Variants in OTUD7A observed in about 807,000 individuals in gnomAD.
OTUD7A encodes the protein OTU domain-containing protein 7A.
A neutral mutation model predicts 65.7 loss-of-function variants in OTUD7A; 12 were observed. The ratio of observed to expected loss-of-function variants is 0.18; its 90% CI spans 0.12 to 0.30. OTUD7A has a LOEUF of 0.30. Among genes scored for constraint, OTUD7A ranks in the 10% least tolerant of loss-of-function variants. The pLI is 1.00. For missense variants in OTUD7A, 1,148 were observed against 1,304.8 expected (o/e 0.88, Z 1.85); for synonymous variants, 641 against 586.3 (o/e 1.09, Z -1.35).
At chr15:31,657,652 C>T (rs1892032943) in intron 1 of OTUD7A, among the ~76,000 whole-genome samples, 1 of 152,126 alleles carries the variant, frequency 6.6e-6, no homozygotes, top group Non-Finnish European at 1.5e-5. Context: ...TGAGCCACCA[C>T]ACCCAGCTTT....
intron 5 of OTUD7A, among the ~76,000 whole-genome samples, chr15:31,548,204 ATCATCTGTGGGCGCCCTGGGCCAC>A (rs1888198344): frequency 1.5e-5 from 1 of 66,556 alleles, no homozygotes; most frequent in Non-Finnish European, 4.8e-5. Context: ...GGCCACCCCC[ATCATCTGTGGGCGCCCTGGGCCAC>A]CCCCCTTCAC....
chr15:31,539,746 A>G (rs1212172017), intron 5 of OTUD7A, among the ~76,000 whole-genome samples: 1 of 152,242 alleles, frequency 6.6e-6, no homozygotes, highest in Non-Finnish European at 1.5e-5. Flanking sequence ...ACACATTCAA[A>G]TGATTCAGAA....
At chr15:31,549,493 G>T (rs970561859) in intron 5 of OTUD7A, among the ~76,000 whole-genome samples, 8 of 152,152 alleles carry the variant, frequency 5.3e-5, no homozygotes, top group Non-Finnish European at 8.8e-5. Context: ...GTTATAATAT[G>T]GGGTAAAGTG....
chr15:31,486,043 G>T (rs968860430), intron 12 of OTUD7A, among the ~76,000 whole-genome samples: 7 of 152,236 alleles, frequency 4.6e-5, no homozygotes, highest in African/African-American at 1.7e-4. Flanking sequence ...GGAGCGCACT[G>T]AGAGCGGGCT....
chr15:31,678,227 T>A (rs1471321528), intron 1 of OTUD7A, among the ~76,000 whole-genome samples: 2 of 152,148 alleles, frequency 1.3e-5, no homozygotes. Flanking sequence ...TTCACAAAGA[T>A]ATGGTTTGGA....
rs2041252805 is a variant in OTUD7A at position 31,487,383 on chromosome 15, C to T, written c.1286+69G>A. ...CAGGAGGAGCAGGGGTGGTACATTC[C>T]CTCCCCAGGATGCCCCAGCCATAGC... is the stretch of plus-strand genomic sequence containing the variant. On this transcript the variant is annotated intron_variant, in intron 11 of 12. Transcript: ENST00000307050. This position sits in a 1 kb window ranked among gnomAD's most constrained non-coding sequence, Gnocchi z 6.0. 5.0e-6 allele frequency: 8 copies of T among 1,584,268 alleles called. No individual in the cohort carries two copies. The highest frequency in any genetic ancestry group is 6.9e-6 in the Non-Finnish European group (8 of 1,157,998).
intron 3 of OTUD7A, among the ~76,000 whole-genome samples, chr15:31,586,092 T>C (rs1889527428): frequency 6.6e-6 from 1 of 152,222 alleles, no homozygotes; most frequent in Admixed American, 6.5e-5. Flanking sequence ...GAAAGGCTCC[T>C]GCCAGTTACG....
chr15:31,693,981 A>G (rs1326855958), intron 1 of OTUD7A, among the ~76,000 whole-genome samples: 38 of 151,190 alleles, frequency 2.5e-4, no homozygotes, highest in African/African-American at 9.4e-4. Flanking sequence ...CTAAGCTGAC[A>G]CTATTGTAAA....
chr15:31,771,425 T>A (rs1270974844), intron 1 of OTUD7A, among the ~76,000 whole-genome samples: 2 of 152,182 alleles, frequency 1.3e-5, no homozygotes, highest in Non-Finnish European at 1.5e-5. Context: ...CCAAATGACA[T>A]CAACATTTAC....
rs1220780501 is a variant in OTUD7A at position 31,559,173 on chromosome 15, G to A, written c.346C>T (p.Arg116Trp). The A allele has an allele frequency of 4.3e-6, 7 of 1,613,176 alleles. No homozygotes were observed. Among genetic ancestry groups the A allele is most frequent in the Non-Finnish European group, 5.9e-6 (7 of 1,179,356 alleles). ...GCTGAGCTGGCGTGGGAAATCCCCC[G>A]GGAAAGCCGCTTTTCTGCAGGGGGA... ...DDIAQEKRLS[R>W]GISHASSAIV... Residue 116 changes from arginine (R) to tryptophan (W), a missense_variant, in exon 5 of 13, where the codon CGG becomes TGG. By Grantham distance (101) the Arg-to-Trp change is moderately radical (BLOSUM62 -3). Around this residue, in one of 6 missense-constraint regions of OTUD7A, gnomAD observed 134 missense variants for 252.6 expected, o/e 0.53. Transcript: ENST00000307050.
intron 8 of OTUD7A, among the ~76,000 whole-genome samples, chr15:31,515,137 C>A (rs931051829): frequency 1.1e-4 from 17 of 151,638 alleles, no homozygotes; most frequent in African/African-American, 4.1e-4. Flanking sequence ...GAGAGAAATA[C>A]CCCAGCTAGA....
chr15:31,769,791 TG>T (rs1241781444), intron 1 of OTUD7A, among the ~76,000 whole-genome samples: 1 of 152,172 alleles, frequency 6.6e-6, no homozygotes, highest in African/African-American at 2.4e-5. Context: ...GATTAGTGGT[TG>T]CCAGGGGTTA....
intron 1 of OTUD7A, among the ~76,000 whole-genome samples, chr15:31,730,812 T>C (rs1300189175): frequency 6.6e-6 from 1 of 152,154 alleles, no homozygotes; most frequent in East Asian, 1.9e-4. Flanking sequence ...CCACGGCCAA[T>C]ACAGAGTGAG....
chr15:31,514,007 C>T (rs2041803082), intron 8 of OTUD7A, among the ~76,000 whole-genome samples: 1 of 151,266 alleles, frequency 6.6e-6, no homozygotes, highest in Non-Finnish European at 1.5e-5. Flanking sequence ...GATCTGTGTC[C>T]TTTTGACATC....
intron 8 of OTUD7A, among the ~76,000 whole-genome samples, chr15:31,504,571 G>A (rs1242178644): frequency 2.0e-5 from 3 of 152,246 alleles, no homozygotes; most frequent in African/African-American, 4.8e-5. Flanking sequence ...AGCTCACAGC[G>A]TTATGGAGCC....
At chr15:31,841,370 T>C (rs981889238) in intron 1 of OTUD7A, among the ~76,000 whole-genome samples, 1 of 152,074 alleles carries the variant, frequency 6.6e-6, no homozygotes, top group African/African-American at 2.4e-5. Flanking sequence ...GTCCTCAGCG[T>C]CCAAGGCACG....
chr15:31,787,830 T>C (rs1312112224), intron 1 of OTUD7A: 1 of 152,228 alleles, frequency 6.6e-6, no homozygotes, highest in Non-Finnish European at 1.5e-5. Flanking sequence ...TTCAGTCTTT[T>C]AGAGAAATCA....
intron 1 of OTUD7A, among the ~76,000 whole-genome samples, chr15:31,864,437 C>A (rs918536209): frequency 6.6e-6 from 1 of 152,088 alleles, no homozygotes; most frequent in Non-Finnish European, 1.5e-5. Flanking sequence ...CTCAGAATTA[C>A]GGCAGGGAGC....
chr15:31,620,929 C>A (rs1391485871), intron 3 of OTUD7A, among the ~76,000 whole-genome samples: 2 of 117,220 alleles, frequency 1.7e-5, no homozygotes, highest in Non-Finnish European at 3.3e-5. Context: ...CCTCCACACA[C>A]CGCTTTGAAT....
Sources: allele counts gnomAD v4.1 joint callset (sites outside exome capture counted in the v4.1 genomes callset), GRCh38; gene constraint gnomAD v4.1.1; regional missense constraint gnomAD v4.1.1; non-coding constraint Gnocchi (gnomAD v3.1); transcripts MANE v1.5; gene names NCBI Gene and HGNC (gene_info 2026-07-23, HGNC 2026-07-21).